SDCCAG8: variants seen among roughly 807,000 people sequenced by gnomAD.
The protein encoded by SDCCAG8 is SHH signaling and ciliogenesis regulator SDCCAG8.
SDCCAG8 carries 74 observed loss-of-function variants against 101.8 expected under a neutral mutation model. The ratio of observed to expected loss-of-function variants is 0.73; its 90% confidence interval spans 0.60 to 0.88. The LOEUF is 0.88. Among genes scored for constraint, SDCCAG8 ranks in the 40% least tolerant of loss-of-function variants. SDCCAG8 has a pLI of 0.00. For synonymous variants in SDCCAG8, 281 were observed against 292.9 expected (o/e 0.96, Z 0.41); for missense variants, 787 against 822.6 (o/e 0.96, Z 0.53).
chr1:243,256,101 C>A lies in SDCCAG8; in HGVS notation c.-73C>A. 1.4e-6 allele frequency: 2 copies of A among 1,431,270 alleles called. No homozygotes were observed. Among genetic ancestry groups the A allele is most frequent in the Non-Finnish European group, 2.0e-6 (2 of 1,013,470 alleles). The allele number at this position is 1,431,270 out of a possible 1,614,324, so 88.7% of individuals were successfully genotyped here. ...CAGGCGGGCGCTCCCCGGCCACAGG[C>A]CTGTTGTTCTCGGAAGGGAGAAAGC... On this transcript the variant is annotated 5_prime_UTR_variant, in exon 1 of 18. Transcript: ENST00000366541.
intron 4 of SDCCAG8, among the ~76,000 whole-genome samples, chr1:243,283,801 C>T (rs1214635929): frequency 7.2e-5 from 11 of 152,258 alleles, no homozygotes; most frequent in South Asian, 4.1e-4. Flanking sequence ...AGTGCAGTGG[C>T]GTGATCTTGG....
At chr1:243,342,893 G>A (rs1187868998) in intron 11 of SDCCAG8, among the ~76,000 whole-genome samples, 3 of 152,194 alleles carry the variant, frequency 2.0e-5, no homozygotes, top group Middle Eastern at 3.4e-3. Flanking sequence ...TTTTTCTTCT[G>A]TCTTGTCACT....
chr1:243,370,107 G>T (rs2077203183), intron 12 of SDCCAG8, among the ~76,000 whole-genome samples: 1 of 151,906 alleles, frequency 6.6e-6, no homozygotes, highest in African/African-American at 2.4e-5. Context: ...TCTTATTTCA[G>T]ATTTTTCCCT....
rs1195750024 is a variant in SDCCAG8, at chr1:243,264,744, A to G, written c.68-5361A>G. Among the ~76,000 whole-genome samples, 3 of 152,240 alleles carry G rather than the reference A, an allele frequency of 2.0e-5. No individual in the cohort carries two copies. The East Asian group carries it at 5.8e-4, about 29-fold the overall frequency. ...TAGTGCATTAGCAGAAATATTATCT[A>G]CTTGCACTTACGTTCATGTGATCTG... On this transcript the variant is annotated intron_variant, in intron 1 of 17. Coordinates refer to ENST00000366541, the MANE Select transcript of SDCCAG8 (RefSeq NM_006642.5).
chr1:243,318,940 T>A (rs1460194213), intron 9 of SDCCAG8, among the ~76,000 whole-genome samples: 1 of 152,136 alleles, frequency 6.6e-6, no homozygotes, highest in African/African-American at 2.4e-5. Context: ...GATTGGTAAT[T>A]TATAAAGAGA....
chr1:243,429,736 C>A (rs941525611), intron 16 of SDCCAG8, among the ~76,000 whole-genome samples: 4 of 129,796 alleles, frequency 3.1e-5, no homozygotes, highest in Admixed American at 9.2e-5. Flanking sequence ...GAGTCTCACT[C>A]TGTCGCCCAG....
rs2070449216 is a variant in SDCCAG8 at position 243,293,232 on chromosome 1, G to A, written c.675+13G>A. On this transcript the variant is annotated intron_variant, in intron 6 of 17. Transcript: ENST00000366541. ...GCAGCTAGAACTGGTGAGTATTTGG[G>A]TGCTTTTCTCTTATACATCTTTTTT... The A allele has an allele frequency of 6.2e-7, 1 of 1,613,746 alleles. No individual in the cohort carries two copies. Among genetic ancestry groups the A allele is most frequent in the Non-Finnish European group, 8.5e-7 (1 of 1,179,818 alleles).
intron 1 of SDCCAG8, among the ~76,000 whole-genome samples, chr1:243,257,256 CT>C (rs2066825687): frequency 6.6e-6 from 1 of 152,122 alleles, no homozygotes; most frequent in Non-Finnish European, 1.5e-5. Context: ...ATAAACTCTG[CT>C]TTCTATTCTG....
intron 12 of SDCCAG8, among the ~76,000 whole-genome samples, chr1:243,369,324 T>C (rs895345077): frequency 6.6e-6 from 1 of 152,156 alleles, no homozygotes; most frequent in African/African-American, 2.4e-5. Flanking sequence ...CATAGTGTTG[T>C]CAGATGGTCA....
chr1:243,259,205 G>T lies in SDCCAG8; in HGVS notation c.67+2965G>T, dbSNP rs577553424. Among the ~76,000 whole-genome samples the T allele has an allele frequency of 2.2e-4, 33 of 150,768 alleles. 2 individuals carry two copies. The East Asian group carries it at 2.6e-3, about 12-fold the overall frequency. ...CACGAGGTCAGGAGATGGGAGACCA[G>T]CCTGGCTAACACGGTGAAACCCCGT... is the stretch of plus-strand genomic sequence containing the variant. On this transcript the variant is annotated intron_variant, in intron 1 of 17. Coordinates refer to ENST00000366541, the MANE Select transcript of SDCCAG8 (RefSeq NM_006642.5).
At chr1:243,460,360 G>A (rs1658825940) in intron 16 of SDCCAG8, among the ~76,000 whole-genome samples, 1 of 152,104 alleles carries the variant, frequency 6.6e-6, no homozygotes, top group Non-Finnish European at 1.5e-5. Context: ...GAGGATTCTG[G>A]TGGCATGTTG....
Position 243,415,693 on chromosome 1 carries a change from G to T in SDCCAG8, c.1617-9G>T. 2 of 1,613,732 alleles carry T rather than the reference G, an allele frequency of 1.2e-6. No homozygotes were observed. The highest frequency in any genetic ancestry group is 1.7e-6 in the Non-Finnish European group (2 of 1,179,716). On this transcript the variant is annotated splice_polypyrimidine_tract_variant and intron_variant, in intron 13 of 17. Coordinates refer to ENST00000366541, the MANE Select transcript of SDCCAG8 (RefSeq NM_006642.5). ...TTAAATTTCTGTATGTCTCCTCTCTGTTTTGCAGACAGGAAAAAGATAGCA... is the reference window on the plus strand; with the variant it reads ...TTAAATTTCTGTATGTCTCCTCTCTTTTTTGCAGACAGGAAAAAGATAGCA...
intron 8 of SDCCAG8, among the ~76,000 whole-genome samples, chr1:243,312,656 A>G (rs183071355): frequency 2.4e-3 from 365 of 151,460 alleles, no homozygotes; most frequent in Non-Finnish European, 3.4e-3. Context: ...CAGTGAGCCA[A>G]GATTGCGCCA....
rs1663555878 is a variant in SDCCAG8, at chr1:243,480,818, GA to G, written c.1986-8195del. ...GATGGATGGATGGATGGATGGGTGG[GA>G]TGGATGGATGGATGGATGGATGGGT... On this transcript the variant is annotated intron_variant, in intron 16 of 17. Coordinates refer to ENST00000366541, the MANE Select transcript of SDCCAG8 (RefSeq NM_006642.5). Among the ~76,000 whole-genome samples, 85 of 105,150 alleles carry G rather than the reference GA, an allele frequency of 8.1e-4. 1 individual carries two copies. The highest frequency in any genetic ancestry group is 1.5e-3 in the Admixed American group (15 of 10,332). 69.0% of individuals were successfully genotyped at this position (105,150 alleles called of 152,430 possible).
chr1:243,256,404 T>C lies in SDCCAG8; in HGVS notation c.67+164T>C, dbSNP rs61833906. On this transcript the variant is annotated intron_variant, in intron 1 of 17. Coordinates refer to ENST00000366541, the MANE Select transcript of SDCCAG8 (RefSeq NM_006642.5). ...TTGAGGAGGATGAAATAGTTTGATT[T>C]AGTTTTTACAGTTAAGCAACGATGT... 0.092 allele frequency among the ~76,000 whole-genome samples: 14,024 copies of C among 152,316 alleles called. 840 individuals are homozygous for C. Among genetic ancestry groups the C allele is most frequent in the Non-Finnish European group, 0.13 (8,550 of 68,008 alleles).
At chr1:243,470,163 C>T (rs971602613) in intron 16 of SDCCAG8, among the ~76,000 whole-genome samples, 1 of 152,316 alleles carries the variant, frequency 6.6e-6, no homozygotes, top group East Asian at 1.9e-4. Flanking sequence ...AAGCCACCAA[C>T]GAGGCTGTCC....
chr1:243,445,857 C>A (rs986349027), intron 16 of SDCCAG8, among the ~76,000 whole-genome samples: 2 of 152,186 alleles, frequency 1.3e-5, no homozygotes, highest in African/African-American at 4.8e-5. Flanking sequence ...TTGAATGCTT[C>A]TAAATCACTC....
intron 13 of SDCCAG8, among the ~76,000 whole-genome samples, chr1:243,393,434 T>G (rs1403051669): frequency 6.6e-6 from 1 of 151,346 alleles, no homozygotes; most frequent in African/African-American, 2.4e-5. Context: ...TTTGCAGTGG[T>G]GTGCCCATTG....
intron 17 of SDCCAG8, among the ~76,000 whole-genome samples, chr1:243,497,640 CCT>C (rs1214014110): frequency 6.6e-6 from 1 of 152,156 alleles, no homozygotes; most frequent in African/African-American, 2.4e-5. Flanking sequence ...ATGAGAAATG[CCT>C]GTTTCCTGGA....
Sources: allele counts gnomAD v4.1 joint callset (sites outside exome capture counted in the v4.1 genomes callset), GRCh38; gene constraint gnomAD v4.1.1; transcripts MANE v1.5; gene names NCBI Gene and HGNC (gene_info 2026-07-23, HGNC 2026-07-21).